Variants in TRIM2 observed in about 807,000 individuals in gnomAD.
TRIM2 encodes tripartite motif containing 2, also known as tripartite motif-containing protein 2.
A neutral mutation model predicts 75.2 loss-of-function variants in TRIM2; 20 were observed. That is an observed-to-expected ratio of 0.27 (90% CI 0.19 to 0.39). The LOEUF (loss-of-function observed/expected upper bound fraction) is 0.39. TRIM2 is among the 10% of genes least tolerant of loss of function. TRIM2 has a pLI of 1.00. For missense variants in TRIM2, 660 were observed against 990.8 expected, an observed-to-expected ratio of 0.67 and a Z score of 4.48; for synonymous variants, 373 against 388.3, an observed-to-expected ratio of 0.96 and a Z score of 0.46.
At chr4:153,264,613 C>T (rs1754437536) in intron 1 of TRIM2, among the ~76,000 whole-genome samples, 1 of 152,102 alleles carries the variant, frequency 6.6e-6, no homozygotes, top group Admixed American at 6.5e-5. Context: ...TCAAGGAGAC[C>T]AGAAACTGTG....
intron 3 of TRIM2, among the ~76,000 whole-genome samples, chr4:153,289,087 T>C (rs139341702): frequency 1.4e-3 from 216 of 152,264 alleles, no homozygotes; most frequent in African/African-American, 4.9e-3. Context: ...AGAGTGCCTA[T>C]AAATTTCTTT....
intron 1 of TRIM2, among the ~76,000 whole-genome samples, chr4:153,251,636 T>C (rs916770970): frequency 6.6e-6 from 1 of 152,192 alleles, no homozygotes; most frequent in Non-Finnish European, 1.5e-5. Flanking sequence ...CTCATACCTT[T>C]ATTATTTCTT....
chr4:153,177,363 A>C (rs1252968883), intron 1 of TRIM2, among the ~76,000 whole-genome samples: 4 of 152,212 alleles, frequency 2.6e-5, no homozygotes, highest in African/African-American at 9.6e-5. Flanking sequence ...CCACTTAAAA[A>C]ACAGGAGTCT....
intron 1 of TRIM2, among the ~76,000 whole-genome samples, chr4:153,185,064 C>T (rs1407634335): frequency 2.6e-5 from 4 of 152,222 alleles, no homozygotes; most frequent in Non-Finnish European, 5.9e-5. Context: ...ACAGGAATCT[C>T]GACATTCTTT....
At chr4:153,190,535 A>G (rs1269089078) in intron 1 of TRIM2, among the ~76,000 whole-genome samples, 2 of 152,230 alleles carry the variant, frequency 1.3e-5, no homozygotes, top group Non-Finnish European at 2.9e-5. Flanking sequence ...CCAAAATCTC[A>G]AAGCATATAA....
chr4:153,180,075 T>A (rs1009941247), intron 1 of TRIM2, among the ~76,000 whole-genome samples: 1 of 152,240 alleles, frequency 6.6e-6, no homozygotes, highest in Non-Finnish European at 1.5e-5. Context: ...ACCTTCCATA[T>A]GCAACCCGCA....
intron 3 of TRIM2, among the ~76,000 whole-genome samples, chr4:153,290,859 C>T (rs965034116): frequency 6.6e-6 from 1 of 152,156 alleles, no homozygotes; most frequent in African/African-American, 2.4e-5. Context: ...AAACCCCTGG[C>T]CTCAAGTGAT....
At chr4:153,319,970 A>G (rs1173067864) in intron 8 of TRIM2, among the ~76,000 whole-genome samples, 1 of 152,104 alleles carries the variant, frequency 6.6e-6, no homozygotes, top group African/African-American at 2.4e-5. Flanking sequence ...TTCTCTTTTT[A>G]TTCTAGATAA....
chr4:153,210,911 A>C (rs112824243), intron 1 of TRIM2, among the ~76,000 whole-genome samples: 150 of 152,278 alleles, frequency 9.9e-4, no homozygotes, highest in Middle Eastern at 3.4e-3. Flanking sequence ...GATCTGAAAA[A>C]AGCAGCCCTC....
intron 6 of TRIM2, among the ~76,000 whole-genome samples, chr4:153,312,775 C>G (rs1766655198): frequency 6.6e-6 from 1 of 152,108 alleles, no homozygotes; most frequent in Non-Finnish European, 1.5e-5. Context: ...TATTGCGGCA[C>G]TATTCACAAC....
At chr4:153,229,641 A>C (rs1262192581) in intron 1 of TRIM2, among the ~76,000 whole-genome samples, 1 of 152,240 alleles carries the variant, frequency 6.6e-6, no homozygotes, top group Non-Finnish European at 1.5e-5. Flanking sequence ...AGAAGGGGAA[A>C]TAATTATTAA....
Position 153,335,031 on chromosome 4 carries a change from C to A in TRIM2, c.*65C>A. The A allele has an allele frequency of 7.6e-6, 11 of 1,444,766 alleles. No individual in the cohort carries two copies. The highest frequency in any genetic ancestry group is 1.0e-5 in the Non-Finnish European group (11 of 1,082,220). The allele number at this position is 1,444,766 out of a possible 1,614,324, so 89.5% of individuals were successfully genotyped here. A position where few individuals can be genotyped will look rare whatever the true frequency, so the allele number is the denominator to read the frequency against. On this transcript the variant is annotated 3_prime_UTR_variant, in exon 12 of 12. Transcript: ENST00000338700. ...ATAAACTGGAATGGATTTCTCAATGCGGGACCAGATTATGACTAGAGTTTT... is the reference window on the plus strand; with the variant it reads ...ATAAACTGGAATGGATTTCTCAATGAGGGACCAGATTATGACTAGAGTTTT...
chr4:153,189,947 C>T (rs1180099390), intron 1 of TRIM2, among the ~76,000 whole-genome samples: 1 of 152,172 alleles, frequency 6.6e-6, no homozygotes, highest in African/African-American at 2.4e-5. Flanking sequence ...AGGGGTTCAA[C>T]TTATCCTAAC....
chr4:153,215,336 A>G (rs1489385869), intron 1 of TRIM2, among the ~76,000 whole-genome samples: 2 of 152,078 alleles, frequency 1.3e-5, no homozygotes, highest in African/African-American at 4.8e-5. Flanking sequence ...TTCAAGGATC[A>G]TGAGTCTGGG....
At chr4:153,274,538 G>C (rs1165930490) in intron 2 of TRIM2, among the ~76,000 whole-genome samples, 1 of 152,200 alleles carries the variant, frequency 6.6e-6, no homozygotes, top group African/African-American at 2.4e-5. Context: ...AGTTAATGAG[G>C]CTCAAAGGAG....
intron 11 of TRIM2, among the ~76,000 whole-genome samples, chr4:153,333,612 C>T (rs1035896847): frequency 4.6e-5 from 7 of 152,008 alleles, no homozygotes; most frequent in South Asian, 2.1e-4. Flanking sequence ...AAGCAGAAAC[C>T]GATAGACCAA....
chr4:153,188,788 A>G (rs1317693146), intron 1 of TRIM2, among the ~76,000 whole-genome samples: 1 of 152,186 alleles, frequency 6.6e-6, no homozygotes, highest in Non-Finnish European at 1.5e-5. Context: ...CAGTCATCCA[A>G]ATCATTTTCT....
In TRIM2 at chr4:153,295,198, T is replaced by C; in HGVS notation, c.787-115T>C. ...CCCTGGGTTGACAAACACCGCTTGC[T>C]CAGAGCCACCTGCGTGGGCAGGTGT... On this transcript the variant is annotated intron_variant, in intron 5 of 11. Coordinates refer to ENST00000338700, the MANE Select transcript of TRIM2 (RefSeq NM_015271.5). This position sits in a 1 kb window ranked among gnomAD's most constrained non-coding sequence, Gnocchi z 7.2. 7.2e-7 allele frequency: 1 copy of C among 1,391,036 alleles called. No homozygotes were observed. Among genetic ancestry groups the C allele is most frequent in the Non-Finnish European group, 9.5e-7 (1 of 1,054,862 alleles). The allele number at this position is 1,391,036 out of a possible 1,614,324, so 86.2% of individuals were successfully genotyped here. A position where few individuals can be genotyped will look rare whatever the true frequency, so the allele number is the denominator to read the frequency against.
rs573278594 is a variant in TRIM2, at chr4:153,162,039, G to T, written c.-49+8769G>T. ...TTTGGCCAGCTTACTTTAAGGAAAA[G>T]CTTTCTGTTGTCTGCATTCTTGCCA... On this transcript the variant is annotated intron_variant, in intron 1 of 11. Transcript: ENST00000437508. Among the ~76,000 whole-genome samples the T allele has an allele frequency of 3.9e-5, 6 of 152,308 alleles. No homozygotes were observed. In the South Asian group the frequency reaches 1.2e-3, roughly 32 times the overall value.
Sources: allele counts gnomAD v4.1 joint callset (sites outside exome capture counted in the v4.1 genomes callset), GRCh38; gene constraint gnomAD v4.1.1; non-coding constraint Gnocchi (gnomAD v3.1); transcripts MANE v1.5; gene names NCBI Gene and HGNC (gene_info 2026-07-23, HGNC 2026-07-21).